Variants in ZAN observed in about 807,000 individuals in gnomAD.
The protein encoded by ZAN is zonadhesin (gene/pseudogene).
Under a neutral mutation model 286.2 loss-of-function variants are expected in ZAN, and 260 were observed. That is an observed-to-expected ratio of 0.91 (90% CI 0.82 to 1.01). ZAN has a LOEUF of 1.01. Ranked by LOEUF, ZAN falls within the 50% of genes least tolerant of loss-of-function variation. ZAN has a pLI of 0.00. For missense variants in ZAN, 3,410 were observed against 3,639.2 expected (o/e 0.94, Z 1.62); for synonymous variants, 1,368 against 1,417.5 (o/e 0.97, Z 0.79).
At chr7:100,762,419 C>CTTTT (rs869138443) in intron 20 of ZAN, 61 bp downstream of exon 20, 306 of 1,018,466 alleles carry the variant, frequency 3.0e-4, no homozygotes, top group African/African-American at 5.0e-4. Flanking sequence ...CTGGAACTCT[C>CTTTT]TTTTTTTTTT....
chr7:100,735,050 G>A (rs1807205103), intron 2 of ZAN, among the ~76,000 whole-genome samples: 1 of 139,406 alleles, frequency 7.2e-6, no homozygotes, highest in African/African-American at 2.6e-5. Flanking sequence ...CAGGCATGGT[G>A]GTGCATGCCT....
At position 100,762,464 on chromosome 7, in the gene ZAN, C is replaced by T. The variant is rs370547188; in HGVS notation, c.3986+106C>T. Reference sequence around the variant, plus strand: ...TTTTTGAGATGGAGTCTCCTTCTGTCGCTTAGGCTGGAGTGCAGTGGTGCG... The same window carrying T: ...TTTTTGAGATGGAGTCTCCTTCTGTTGCTTAGGCTGGAGTGCAGTGGTGCG... On this transcript the variant is annotated intron_variant, in intron 20 of 47. Transcript: ENST00000613979. The T allele has an allele frequency of 9.0e-5, 122 of 1,354,872 alleles. No individual in the cohort carries two copies. In the African/African-American group the frequency reaches 1.5e-3, roughly 17 times the overall value. 83.9% of individuals were successfully genotyped at this position (1,354,872 alleles called of 1,614,324 possible). A position where few individuals can be genotyped will look rare whatever the true frequency, so the allele number is the denominator to read the frequency against.
Position 100,786,055 on chromosome 7 carries a change from C to G in ZAN, c.6893C>G (p.Ala2298Gly). The part of the protein sequence containing the change: ...CTEKCVCTGG[A>G]IQCGDFRCPS... Reference sequence around the variant, plus strand: ...GAGAAGTGTGTCTGCACGGGAGGAGCCATTCAGTGCGGGGACTTCCGATGC... The same window carrying G: ...GAGAAGTGTGTCTGCACGGGAGGAGGCATTCAGTGCGGGGACTTCCGATGC... Residue 2298 changes from alanine to glycine, a missense_variant, in exon 37 of 48, where the codon GCC (alanine) becomes GGC (glycine). Around this residue, in one of 7 missense-constraint regions of ZAN, gnomAD observed 1,289 missense variants for 1,314.3 expected, o/e 0.98. Coordinates refer to ENST00000613979, the MANE Select transcript of ZAN (RefSeq NM_003386.3). 6.2e-7 allele frequency: 1 copy of G among 1,614,006 alleles called. No individual in the cohort carries two copies. Among genetic ancestry groups the G allele is most frequent in the Non-Finnish European group, 8.5e-7 (1 of 1,179,898 alleles).
At chr7:100,772,640 A>T (rs62483600) in intron 29 of ZAN, among the ~76,000 whole-genome samples, 62,032 of 150,960 alleles carry the variant, frequency 0.41, 13,892 homozygotes, top group African/African-American at 0.6. Flanking sequence ...GCTAACACGG[A>T]GAAACCCCGT....
intron 8 of ZAN, among the ~76,000 whole-genome samples, chr7:100,747,285 G>T (rs1808294814): frequency 6.6e-6 from 1 of 151,956 alleles, no homozygotes; most frequent in Non-Finnish European, 1.5e-5. Context: ...TACTCAAGAG[G>T]CTGAGGCAGG....
At chr7:100,779,344 C>T in intron 34 of ZAN, 102 bp from the exon 35 acceptor site, 1 of 1,246,956 alleles carries the variant, frequency 8.0e-7, no homozygotes, top group Non-Finnish European at 1.1e-6. Context: ...TTGCATTGCA[C>T]TCCAGCCTGG....
chr7:100,734,239 G>C lies in ZAN; in HGVS notation c.53+18G>C. On this transcript the variant is annotated intron_variant, in intron 2 of 47. Transcript: ENST00000613979. ...CTTTTCAGGTAAGCTGGGCCCAGGG[G>C]GTAATGATAAACCAGGGTCAGCTGA... The C allele has an allele frequency of 1.4e-6, 2 of 1,419,970 alleles. No homozygotes were observed. Among genetic ancestry groups the C allele is most frequent in the African/African-American group, 3.0e-5 (2 of 67,746 alleles). The allele number at this position is 1,419,970 out of a possible 1,614,324, so 88.0% of individuals were successfully genotyped here. A position where few individuals can be genotyped will look rare whatever the true frequency, so the allele number is the denominator to read the frequency against.
intron 44 of ZAN, 28 bp from the exon 45 acceptor site, chr7:100,795,168 C>A: frequency 6.3e-7 from 1 of 1,596,596 alleles, no homozygotes; most frequent in Non-Finnish European, 8.5e-7. Context: ...CCAGGGCCCC[C>A]CTCCCACAAC....
At position 100,752,642 on chromosome 7, in the gene ZAN, C is replaced by G. The variant is rs1336879978; in HGVS notation, c.2537C>G (p.Pro846Arg). 1 of 1,612,512 alleles carries G rather than the reference C, an allele frequency of 6.2e-7. No homozygotes were observed. Among genetic ancestry groups the G allele is most frequent in the South Asian group, 1.1e-5 (1 of 91,018 alleles). Residue 846 changes from proline to arginine, a missense_variant, in exon 14 of 48, where the codon CCC becomes CGC. Around this residue, in one of 7 missense-constraint regions of ZAN, gnomAD observed 90 missense variants for 87.1 expected, o/e 1.03. Coordinates refer to ENST00000613979, the MANE Select transcript of ZAN (RefSeq NM_003386.3). ...ATCTCTACAGAAAAACTCACCATCC[C>G]CATGGAAAAACCCACCATCTCCACA... ...TTISTEKLTIPMEKPTISTEK... is the reference protein window; with the variant it reads ...TTISTEKLTIRMEKPTISTEK...
At chr7:100,791,218 G>C (rs957698692) in intron 40 of ZAN, 105 bp downstream of exon 40, 11 of 1,421,072 alleles carry the variant, frequency 7.7e-6, no homozygotes, top group Non-Finnish European at 1.0e-5. Flanking sequence ...TCCAGGGAGA[G>C]GGTGCAGATA....
chr7:100,746,694 C>T lies in ZAN; in HGVS notation c.923C>T (p.Ser308Leu). 1 of 1,613,938 alleles carries T rather than the reference C, an allele frequency of 6.2e-7. No homozygotes were observed. Among genetic ancestry groups the T allele is most frequent in the Non-Finnish European group, 8.5e-7 (1 of 1,179,858 alleles). The change falls in exon 8 of 48, where the codon TCA (serine) becomes TTA (leucine). Residue 308 changes from serine to leucine, a missense_variant. Around this residue, in one of 7 missense-constraint regions of ZAN, gnomAD observed 872 missense variants for 938.9 expected, o/e 0.93. Coordinates refer to ENST00000613979, the MANE Select transcript of ZAN (RefSeq NM_003386.3). ...SPGAALHIYASVLGSIRKHTL... is the reference protein window; with the variant it reads ...SPGAALHIYALVLGSIRKHTL... Reference sequence around the variant, plus strand: ...GGTGCAGCCCTCCACATTTATGCTTCAGTCTTGGGTTAGAGCGGAGAATTA... The same window carrying T: ...GGTGCAGCCCTCCACATTTATGCTTTAGTCTTGGGTTAGAGCGGAGAATTA...
In ZAN at chr7:100,733,810, G is replaced by A. The variant is rs1432568368; in HGVS notation, c.-143+162G>A. ...TTCAGTTCTGGATATTTTCTTGTGC[G>A]TTTTTCTTTTTAAAATAATAATTTC... On this transcript the variant is annotated intron_variant, in intron 1 of 47. Coordinates refer to ENST00000613979, the MANE Select transcript of ZAN (RefSeq NM_003386.3). Among the ~76,000 whole-genome samples the A allele has an allele frequency of 2.8e-5, 4 of 140,874 alleles. 1 individual carries two copies. Among genetic ancestry groups the A allele is most frequent in the Admixed American group, 1.4e-4 (2 of 14,160 alleles). 92.4% of individuals were successfully genotyped at this position (140,874 alleles called of 152,430 possible).
At position 100,795,348 on chromosome 7, in the gene ZAN, G is replaced by A. The variant is rs747238996; in HGVS notation, c.8266+12G>A. The A allele has an allele frequency of 2.9e-5, 45 of 1,568,860 alleles. No individual in the cohort carries two copies. Among genetic ancestry groups the A allele is most frequent in the African/African-American group, 4.1e-5 (3 of 73,622 alleles). ...TCCCAGAAAGCCAGGTGAGGGCATC[G>A]TCCAAGGCCCTGTACCCTCACAACC... On this transcript the variant is annotated intron_variant, in intron 45 of 47. Transcript: ENST00000613979.
rs543023700 is a variant in ZAN, at chr7:100,743,173, G to A, written c.767-3365G>A. ...CGAGTAGCTGGGATTACAGGTGTGC[G>A]TCACCATGCCCAGTTAATTTTTTGT... is the stretch of plus-strand genomic sequence containing the variant. On this transcript the variant is annotated intron_variant, in intron 7 of 47. Coordinates refer to ENST00000613979, the MANE Select transcript of ZAN (RefSeq NM_003386.3). Among the ~76,000 whole-genome samples, 12 of 151,556 alleles carry A rather than the reference G, an allele frequency of 7.9e-5. No individual in the cohort carries two copies. The East Asian group carries it at 1.6e-3, about 20-fold the overall frequency.
chr7:100,776,603 TTCTTTCTTTG>T (rs1460194349), intron 34 of ZAN, 39 bp downstream of exon 34: 5 of 1,463,378 alleles, frequency 3.4e-6, no homozygotes, highest in African/African-American at 1.5e-5. Context: ...TTCTTTCTTT[TTCTTTCTTTG>T]TCTTTCTTTC....
intron 16 of ZAN, 25 bp from the exon 17 acceptor site, chr7:100,758,506 C>G: frequency 1.3e-6 from 2 of 1,554,454 alleles, no homozygotes; most frequent in Non-Finnish European, 1.7e-6. Context: ...GAAGCAGCTT[C>G]GCCTGTTCTC....
In ZAN at chr7:100,734,163, G is replaced by A. The variant is rs1034826630; in HGVS notation, c.-6G>A. 1.1e-5 allele frequency: 16 copies of A among 1,455,040 alleles called. 2 individuals are homozygous for A. The highest frequency in any genetic ancestry group is 1.5e-5 in the Non-Finnish European group (16 of 1,070,140). The allele number at this position is 1,455,040 out of a possible 1,614,324, so 90.1% of individuals were successfully genotyped here. ...TCTCCCCTGGGAGCAACCACTTAGG[G>A]TCCTCATGGTTCCTCCAGTCTGGAC... On this transcript the variant is annotated 5_prime_UTR_variant, in exon 2 of 48. Transcript: ENST00000613979.
intron 25 of ZAN, among the ~76,000 whole-genome samples, 184 bp downstream of exon 25, chr7:100,767,441 G>C (rs1261657589): frequency 7.2e-6 from 1 of 138,266 alleles, no homozygotes; most frequent in Non-Finnish European, 1.5e-5. Flanking sequence ...ACCAGCACCA[G>C]CCCCTCCTGC....
chr7:100,778,193 G>A (rs969632251), intron 34 of ZAN, among the ~76,000 whole-genome samples: 1 of 152,064 alleles, frequency 6.6e-6, no homozygotes, highest in Non-Finnish European at 1.5e-5. Flanking sequence ...TGTAGTCCCA[G>A]CTATTTGGGA....
Sources: gnomAD v4.1 joint callset for allele counts (sites outside exome capture counted in the v4.1 genomes callset) on GRCh38, gnomAD v4.1.1 for gene constraint, gnomAD v4.1.1 regional missense constraint, MANE v1.5 for transcripts, NCBI Gene and HGNC (gene_info 2026-07-23, HGNC 2026-07-21) for gene names.